KATNIP: variants seen among roughly 807,000 people sequenced by gnomAD.
The protein encoded by KATNIP is katanin interacting protein.
KATNIP carries 126 observed loss-of-function variants against 174.0 expected under a neutral mutation model. The observed-to-expected ratio is 0.72, with a 90% confidence interval of 0.63 to 0.84. KATNIP has a LOEUF of 0.84. KATNIP is among the 40% of genes least tolerant of loss of function. The pLI, the probability that KATNIP is intolerant of heterozygous loss-of-function variation, is 0.00. For missense variants in KATNIP, 1,958 were observed against 2,109.7 expected (o/e 0.93, Z 1.41); for synonymous variants, 810 against 835.7 (o/e 0.97, Z 0.53).
At chr16:27,559,510 C>T (rs914664204) in intron 1 of KATNIP, among the ~76,000 whole-genome samples, 3 of 151,250 alleles carry the variant, frequency 2.0e-5, no homozygotes, top group Admixed American at 6.6e-5. Context: ...GGTGAGACCC[C>T]ACCTCTACAA....
At chr16:27,718,051 T>C (rs1205602827) in intron 13 of KATNIP, among the ~76,000 whole-genome samples, 8 of 152,318 alleles carry the variant, frequency 5.3e-5, no homozygotes, top group South Asian at 2.1e-4. Flanking sequence ...CTAAATAAGC[T>C]ACTTACATGT....
Position 27,628,644 on chromosome 16 carries a change from C to T in KATNIP, c.141-17C>T, listed in dbSNP as rs1210461741. The T allele has an allele frequency of 2.5e-6, 4 of 1,613,026 alleles. No homozygotes were observed. The Admixed American group carries it at 5.0e-5, about 20-fold the overall frequency. On this transcript the variant is annotated splice_polypyrimidine_tract_variant and intron_variant, in intron 3 of 27. Transcript: ENST00000261588. ...TCTCAAATGATGAGGAGGAACAACC[C>T]ACCGTTTCTCTTTCAGGATATTAAA...
chr16:27,670,399 TC>T (rs1219129147), intron 6 of KATNIP, among the ~76,000 whole-genome samples: 1 of 152,240 alleles, frequency 6.6e-6, no homozygotes, highest in Non-Finnish European at 1.5e-5. Flanking sequence ...TCACAGCTTG[TC>T]CATGCCTCTA....
intron 13 of KATNIP, among the ~76,000 whole-genome samples, chr16:27,712,762 C>T (rs1339175720): frequency 6.6e-6 from 1 of 152,124 alleles, no homozygotes; most frequent in Admixed American, 6.5e-5. Context: ...CAACTTCCTG[C>T]TTGACATCTC....
Position 27,637,327 on chromosome 16 carries a change from G to A in KATNIP, c.408+6165G>A, listed in dbSNP as rs2076666391. Among the ~76,000 whole-genome samples, 4 of 152,186 alleles carry A rather than the reference G, an allele frequency of 2.6e-5. No individual in the cohort carries two copies. Among genetic ancestry groups the A allele is most frequent in the Admixed American group, 2.6e-4 (4 of 15,286 alleles). On this transcript the variant is annotated intron_variant, in intron 5 of 27. Coordinates refer to ENST00000261588, the MANE Select transcript of KATNIP (RefSeq NM_015202.5). The surrounding 1 kb of genome is among the most constrained non-coding windows in gnomAD (Gnocchi z 4.7). The stretch of plus-strand genomic sequence containing the variant: ...CACATACTCAGTTTTGGCACTTACA[G>A]ATGCCGGGTTCCAAGCAATAAGTGA...
chr16:27,648,860 T>C (rs557970135), intron 6 of KATNIP, 125 bp downstream of exon 6: 1 of 1,135,606 alleles, frequency 8.8e-7, no homozygotes, highest in South Asian at 1.5e-5. Context: ...CTGTGTTCCT[T>C]CACTCTTGCG....
intron 6 of KATNIP, among the ~76,000 whole-genome samples, chr16:27,655,176 G>GGA (rs1555465952): frequency 1.0e-4 from 5 of 50,146 alleles, no homozygotes; most frequent in African/African-American, 1.4e-4. Context: ...CCCCTAGAAT[G>GGA]GATATATATA....
intron 8 of KATNIP, among the ~76,000 whole-genome samples, chr16:27,683,942 C>T (rs1447713205): frequency 6.6e-6 from 1 of 152,140 alleles, no homozygotes; most frequent in African/African-American, 2.4e-5. Flanking sequence ...AAAAGTATGC[C>T]ACTGCACGAA....
At chr16:27,747,461 T>C (rs1007032397) in intron 15 of KATNIP, among the ~76,000 whole-genome samples, 1 of 152,088 alleles carries the variant, frequency 6.6e-6, no homozygotes, top group African/African-American at 2.4e-5. Flanking sequence ...TCTCGACTCG[T>C]GTTCTCGGTG....
chr16:27,704,906 C>CTT (rs560766968), intron 12 of KATNIP, among the ~76,000 whole-genome samples: 7 of 127,548 alleles, frequency 5.5e-5, no homozygotes, highest in Non-Finnish European at 1.0e-4. Flanking sequence ...TCTTTTTTTT[C>CTT]TTTTTTTTTT....
chr16:27,775,511 C>T (rs1255248777), intron 24 of KATNIP, among the ~76,000 whole-genome samples: 1 of 152,230 alleles, frequency 6.6e-6, no homozygotes, highest in Admixed American at 6.5e-5. Context: ...GACCCCAGTA[C>T]GGCCGCCCTG....
At position 27,740,336 on chromosome 16, in the gene KATNIP, A is replaced by G; in HGVS notation, c.2039A>G (p.Lys680Arg). The G allele has an allele frequency of 6.2e-7, 1 of 1,614,256 alleles. No individual in the cohort carries two copies. The highest frequency in any genetic ancestry group is 8.5e-7 in the Non-Finnish European group (1 of 1,180,044). ...KLSSQGNVSG[K>R]RKNSTNCRKD... ...TCTTCACAAGGAAATGTGTCTGGCA[A>G]AAGAAAGAATTCTACTAATTGCAGG... Residue 680 changes from lysine (K) to arginine (R), a missense_variant, in exon 15 of 28, where the codon AAA (lysine) becomes AGA (arginine). Coordinates refer to ENST00000261588, the MANE Select transcript of KATNIP (RefSeq NM_015202.5).
intron 14 of KATNIP, among the ~76,000 whole-genome samples, chr16:27,724,013 G>C (rs893200467): frequency 6.6e-6 from 1 of 152,222 alleles, no homozygotes; most frequent in Admixed American, 6.5e-5. Flanking sequence ...ATTTCTGATC[G>C]TTGAGGTTGT....
chr16:27,568,902 G>A (rs1379420043), intron 1 of KATNIP, among the ~76,000 whole-genome samples: 2 of 152,028 alleles, frequency 1.3e-5, no homozygotes, highest in African/African-American at 4.8e-5. Context: ...TACCAGACTC[G>A]ATGGGAGTGA....
At chr16:27,644,958 T>C (rs2076915408) in intron 5 of KATNIP, among the ~76,000 whole-genome samples, 1 of 152,184 alleles carries the variant, frequency 6.6e-6, no homozygotes, top group South Asian at 2.1e-4. Flanking sequence ...ATGCTCAGAT[T>C]TGTGCATGGA....
intron 23 of KATNIP, among the ~76,000 whole-genome samples, chr16:27,774,525 C>T (rs1242248224): frequency 6.6e-6 from 1 of 152,182 alleles, no homozygotes; most frequent in Non-Finnish European, 1.5e-5. Context: ...TCCTTCCACA[C>T]TGACCAGGAA....
At chr16:27,763,583 C>T (rs1342093135) in intron 19 of KATNIP, among the ~76,000 whole-genome samples, 1 of 148,476 alleles carries the variant, frequency 6.7e-6, no homozygotes, top group African/African-American at 2.5e-5. Context: ...CCACTACATT[C>T]CAGCCTGGGC....
intron 1 of KATNIP, 45 bp from the exon 2 acceptor site, chr16:27,573,856 T>C (rs1260110584): frequency 7.5e-6 from 12 of 1,597,266 alleles, no homozygotes; most frequent in Non-Finnish European, 1.0e-5. Context: ...AAACTAGCTG[T>C]TCTAAAACAG....
chr16:27,759,259 G>C (rs756647622), intron 18 of KATNIP, among the ~76,000 whole-genome samples: 8 of 152,152 alleles, frequency 5.3e-5, no homozygotes, highest in African/African-American at 1.9e-4. Flanking sequence ...ATGTAGACTC[G>C]ATTGTCAGGA....
Sources: allele counts gnomAD v4.1 joint callset (sites outside exome capture counted in the v4.1 genomes callset), GRCh38; gene constraint gnomAD v4.1.1; non-coding constraint Gnocchi (gnomAD v3.1); transcripts MANE v1.5; gene names NCBI Gene and HGNC (gene_info 2026-07-23, HGNC 2026-07-21).